Variants in SI observed in about 807,000 individuals in gnomAD.
The protein encoded by SI is sucrase-isomaltase.
In SI, 235 loss-of-function variants were observed where a neutral mutation model predicts 253.3. That is an observed-to-expected ratio of 0.93 (90% CI 0.83 to 1.03). The LOEUF (loss-of-function observed/expected upper bound fraction) is 1.03. Ranked by LOEUF, SI falls within the 50% of genes least tolerant of loss-of-function variation. The pLI is 0.00. For missense variants in SI, 2,442 were observed against 2,211.1 expected (o/e 1.10, Z -2.09); for synonymous variants, 819 against 712.0 (o/e 1.15, Z -2.39).
chr3:165,023,670 T>G lies in SI; in HGVS notation c.2999A>C (p.Gln1000Pro), dbSNP rs147226975. ...TATTCTGGCATTTGCAGTATTTAGTTGGAGGTCAGCTGTTATACCCATGGA... is the reference window on the plus strand; with the variant it reads ...TATTCTGGCATTTGCAGTATTTAGTGGGAGGTCAGCTGTTATACCCATGGA... ...YSSMGITADLQLNTANARIKL... is the reference protein window; with the variant it reads ...YSSMGITADLPLNTANARIKL... Residue 1000 changes from glutamine to proline, a missense_variant, in exon 26 of 48, where the codon CAA (glutamine) becomes CCA (proline). Transcript: ENST00000264382. 209 of 1,610,982 alleles carry G rather than the reference T, an allele frequency of 1.3e-4. No individual in the cohort carries two copies. The African/African-American group carries it at 2.5e-3, about 19-fold the overall frequency.
In SI at chr3:165,069,154, AT is replaced by A; in HGVS notation, c.296del (p.Asn99MetfsTer21). The A allele has an allele frequency of 6.2e-7, 1 of 1,613,672 alleles. No homozygotes were observed. The highest frequency in any genetic ancestry group is 8.5e-7 in the Non-Finnish European group (1 of 1,179,738). On this transcript the variant is annotated frameshift_variant, in exon 4 of 48. Coordinates refer to ENST00000264382, the MANE Select transcript of SI (RefSeq NM_001041.4). LOFTEE classifies it high-confidence loss of function. ...AQRGCCWRPW[N>X]DSLIPWCFFV... ...AGAAGCACCAAGGAATAAGAGAGTC[AT>A]TCCACGGCCTCCAGCAGCAGCCTCT...
At chr3:165,017,462 CTTAAA>C (rs770814709) in intron 31 of SI, 81 bp downstream of exon 31, 124 of 1,357,660 alleles carry the variant, frequency 9.1e-5, no homozygotes, top group South Asian at 1.1e-4. Context: ...TTACCAGCTG[CTTAAA>C]TTAAAGTATA....
intron 37 of SI, among the ~76,000 whole-genome samples, chr3:165,000,599 G>A (rs986451554): frequency 6.6e-6 from 1 of 150,900 alleles, no homozygotes; most frequent in African/African-American, 2.4e-5. Context: ...AAATAAATGA[G>A]GTATTTTCAT....
chr3:165,057,163 C>G (rs191121100), intron 12 of SI, among the ~76,000 whole-genome samples: 8 of 151,666 alleles, frequency 5.3e-5, no homozygotes, highest in Admixed American at 1.3e-4. Context: ...AAGAATCAAG[C>G]AGAAACTTGA....
chr3:165,059,080 G>T lies in SI; in HGVS notation c.1281C>A (p.Asp427Glu). ...CACGTCGACCTATGGAAATTGCAGG[G>T]TCCTAATAATAGAAAGCAGAAACTG... ...DHGQKYVIIL[D>E]PAISIGRRAN... Residue 427 changes from aspartate to glutamate, a missense_variant and splice_region_variant, in exon 12 of 48, where the codon GAC (aspartate) becomes GAA (glutamate). Asp to Glu is a conservative substitution (Grantham distance 45). Transcript: ENST00000264382. 5.6e-6 allele frequency: 9 copies of T among 1,612,080 alleles called. No homozygotes were observed. Among genetic ancestry groups the T allele is most frequent in the Non-Finnish European group, 7.6e-6 (9 of 1,179,104 alleles).
rs1560012261 is a variant in SI, at chr3:165,059,032, G to C, written c.1329C>G (p.Thr443=). The change falls in exon 12 of 48, where the codon ACC becomes ACG. Residue 443 remains threonine (T), a synonymous_variant. Transcript: ENST00000264382. ...GRRANGTTYA[T]YERGNTQHVW... is the part of the protein sequence containing the mutation. ...CATGTTGTGTGTTTCCCCTCTCATA[G>C]GTTGCATATGTTGTTCCATTGGCAC... 6.2e-7 allele frequency: 1 copy of C among 1,612,248 alleles called. No homozygotes were observed. Among genetic ancestry groups the C allele is most frequent in the Non-Finnish European group, 8.5e-7 (1 of 1,179,130 alleles).
the SI span, among the ~76,000 whole-genome samples, chr3:165,086,120 G>A: frequency 6.6e-6 from 1 of 152,008 alleles, no homozygotes; most frequent in Admixed American, 6.6e-5. Context: ...AGGGCATGGT[G>A]GTGCACACCT....
At chr3:165,083,343 G>A (rs1310599057), upstream of SI, among the ~76,000 whole-genome samples, 1 of 151,588 alleles carries the variant, frequency 6.6e-6, no homozygotes. Context: ...TTTAAAAAAA[G>A]AAACAGCTTT....
intron 38 of SI, 152 bp from the exon 39 acceptor site, chr3:164,996,924 C>T (rs1718039090): frequency 6.4e-6 from 3 of 466,474 alleles, no homozygotes; most frequent in African/African-American, 4.0e-5. Flanking sequence ...TCTCATAATG[C>T]TTCTCATAAT....
rs1424265289 is a variant in SI, at chr3:165,012,972, A to G, written c.4062+8T>C. The G allele has an allele frequency of 6.3e-7, 1 of 1,580,194 alleles. No homozygotes were observed. The highest frequency in any genetic ancestry group is 1.3e-5 in the African/African-American group (1 of 74,248). On this transcript the variant is annotated splice_region_variant and intron_variant, in intron 34 of 47. Coordinates refer to ENST00000264382, the MANE Select transcript of SI (RefSeq NM_001041.4). The stretch of plus-strand genomic sequence containing the variant: ...TCTCATTGTATAGTTAGCCCGTGTA[A>G]AACTTACATTAACAGCTTCATCTTC...
intron 3 of SI, among the ~76,000 whole-genome samples, chr3:165,074,027 AACTTGGGTTACATGAATCCAATTGGTTAC>A (rs1488781129): frequency 6.6e-6 from 1 of 152,046 alleles, no homozygotes; most frequent in African/African-American, 2.4e-5. Context: ...AGGAAGAGTG[AACTTGGGTTACATGAATCCAATTGGTTAC>A]ACCTAATTTT....
chr3:165,084,721 G>A, the SI span, among the ~76,000 whole-genome samples: 1 of 151,770 alleles, frequency 6.6e-6, no homozygotes, highest in Non-Finnish European at 1.5e-5. Context: ...ATTTATTACA[G>A]AAAATATCAC....
rs774279121 is a variant in SI at position 165,015,166 on chromosome 3, A to G, written c.3956T>C (p.Val1319Ala). Residue 1319 changes from valine to alanine, a missense_variant, in exon 33 of 48, where the codon GTC becomes GCC. Val to Ala is a moderately conservative substitution (Grantham distance 64). Transcript: ENST00000264382. ...ATTGGTGTTTGGCCATTTGACAAAG[A>G]CATCATTCTGCTGTCCTCTTTCAAA... ...PAFERGQQNDVFVKWPNTNDI... is the reference protein window; with the variant it reads ...PAFERGQQNDAFVKWPNTNDI... 3.1e-6 allele frequency: 5 copies of G among 1,613,578 alleles called. No homozygotes were observed. In the South Asian group the frequency reaches 4.4e-5, roughly 14 times the overall value.
At chr3:165,040,030 C>T in intron 18 of SI, 59 bp from the exon 19 acceptor site, 3 of 1,339,982 alleles carry the variant, frequency 2.2e-6, no homozygotes, top group Non-Finnish European at 2.1e-6. Flanking sequence ...ATCCAAATTC[C>T]TGGTTCAGTT....
At chr3:164,980,884 G>T (rs758875707) in intron 47 of SI, among the ~76,000 whole-genome samples, 7 of 151,898 alleles carry the variant, frequency 4.6e-5, no homozygotes, top group African/African-American at 7.2e-5. Flanking sequence ...TAAATAAAAG[G>T]TAAGATATTA....
chr3:165,069,987 G>A (rs1426817008), intron 3 of SI, among the ~76,000 whole-genome samples: 1 of 149,554 alleles, frequency 6.7e-6, no homozygotes, highest in East Asian at 1.9e-4. Context: ...ATTTTAATCA[G>A]CTGAAAGTGT....
At chr3:165,039,166 T>G in intron 19 of SI, 32 bp from the exon 20 acceptor site, 1 of 1,433,220 alleles carries the variant, frequency 7.0e-7, no homozygotes, top group Non-Finnish European at 9.8e-7. Context: ...TTTTTTAATT[T>G]CAATTTTTAA....
At chr3:165,027,473 A>T in intron 25 of SI, among the ~76,000 whole-genome samples, 1 of 151,450 alleles carries the variant, frequency 6.6e-6, no homozygotes, top group Non-Finnish European at 1.5e-5. Context: ...TATCACCCTA[A>T]TACCAAAACC....
chr3:165,000,793 A>T (rs1275591230), intron 37 of SI, among the ~76,000 whole-genome samples: 1 of 151,412 alleles, frequency 6.6e-6, no homozygotes, highest in East Asian at 1.9e-4. Context: ...ACTTAGTTTA[A>T]GTTATTCTTG....
Sources: allele counts gnomAD v4.1 joint callset (sites outside exome capture counted in the v4.1 genomes callset), GRCh38; gene constraint gnomAD v4.1.1; transcripts MANE v1.5; gene names NCBI Gene and HGNC (gene_info 2026-07-23, HGNC 2026-07-21).